SLC5A9: variants seen among roughly 807,000 people sequenced by gnomAD.
SLC5A9 encodes the protein solute carrier family 5 member 9.
SLC5A9 carries 59 observed loss-of-function variants against 70.9 expected under a neutral mutation model. The observed-to-expected ratio is 0.83, with a 90% CI of 0.68 to 1.03. The LOEUF is 1.03. Among genes scored for constraint, SLC5A9 ranks in the 50% least tolerant of loss-of-function variants. The probability of loss-of-function intolerance (pLI) is 0.00; values close to 1 mark genes in which losing one functional copy is unlikely to be tolerated. For missense variants in SLC5A9, 832 were observed against 881.1 expected, an observed-to-expected ratio of 0.94 and a Z score of 0.71; for synonymous variants, 340 against 346.5, an observed-to-expected ratio of 0.98 and a Z score of 0.21.
At chr1:48,234,615 C>T (rs1262941867) in intron 9 of SLC5A9, among the ~76,000 whole-genome samples, 2 of 152,124 alleles carry the variant, frequency 1.3e-5, no homozygotes, top group Admixed American at 1.3e-4. Context: ...ATCCAAGAAG[C>T]CTCCCAGATC....
chr1:48,230,643 G>A lies in SLC5A9; in HGVS notation c.548G>A (p.Gly183Asp). The change falls in exon 5 of 14, where the codon GGC becomes GAC. Residue 183 changes from glycine (G) to aspartate (D), a missense_variant. Coordinates refer to ENST00000438567, the MANE Select transcript of SLC5A9 (RefSeq NM_001011547.3). ...GCCCTCTTCATCCAGATGGCATTGG[G>A]CTGGAACCTGTACCTCTCCACAGGG... ...SGALFIQMAL[G>D]WNLYLSTGIL... 1 of 1,614,104 alleles carries A rather than the reference G, an allele frequency of 6.2e-7. No homozygotes were observed.
At position 48,232,069 on chromosome 1, in the gene SLC5A9, A is replaced by G; in HGVS notation, c.815A>G (p.Asp272Gly). ...CCCGATGCTTTCCACATTCTTCGGG[A>G]CCCTGTGAGCGGGGACATCCCTTGG... Reference protein sequence around the residue: ...PRPDAFHILRDPVSGDIPWPG... With the variant: ...PRPDAFHILRGPVSGDIPWPG... Residue 272 changes from aspartate (D) to glycine (G), a missense_variant, in exon 7 of 14, where the codon GAC becomes GGC. Transcript: ENST00000438567. 3 of 1,614,034 alleles carry G rather than the reference A, an allele frequency of 1.9e-6. No homozygotes were observed. The South Asian group carries it at 3.3e-5, about 18-fold the overall frequency.
chr1:48,232,230 A>G (rs963912566), intron 7 of SLC5A9, 79 bp downstream of exon 7: 2 of 1,560,834 alleles, frequency 1.3e-6, no homozygotes, highest in African/African-American at 2.7e-5. Context: ...GCCTGGATGC[A>G]TAGAGGGTTG....
chr1:48,240,814 C>T (rs1470383762), intron 12 of SLC5A9, among the ~76,000 whole-genome samples: 1 of 152,216 alleles, frequency 6.6e-6, no homozygotes, highest in African/African-American at 2.4e-5. Context: ...CCTCCACTTC[C>T]CACCTCTTGT....
Position 48,235,742 on chromosome 1 carries a change from G to A in SLC5A9, c.1155G>A (p.Leu385=). Residue 385 remains leucine (L), a synonymous_variant, in exon 10 of 14, where the codon CTG becomes CTA. Transcript: ENST00000438567. ...MALMPVGLRG[L]MIAVIMAALM... ...GTCTCTCCCCAGGTCTGCGGGGGCTGATGATTGCCGTGATCATGGCCGCTC... is the reference window on the plus strand; with the variant it reads ...GTCTCTCCCCAGGTCTGCGGGGGCTAATGATTGCCGTGATCATGGCCGCTC... 6.2e-7 allele frequency: 1 copy of A among 1,614,194 alleles called. No homozygotes were observed. The highest frequency in any genetic ancestry group is 1.6e-4 in the Middle Eastern group (1 of 6,062).
chr1:48,242,078 C>A (rs1644397464), intron 12 of SLC5A9: 3 of 462,846 alleles, frequency 6.5e-6, no homozygotes, highest in Non-Finnish European at 1.3e-5. Context: ...CTCTCCATTG[C>A]CTACAGGGTT....
chr1:48,230,737 T>C, intron 5 of SLC5A9, 32 bp downstream of exon 5: 1 of 1,530,366 alleles, frequency 6.5e-7, no homozygotes, highest in Non-Finnish European at 9.0e-7. Flanking sequence ...AGAGGAAAGC[T>C]TCTGACTGGC....
chr1:48,242,364 T>C, intron 12 of SLC5A9, 93 bp from the exon 13 acceptor site: 7 of 1,441,122 alleles, frequency 4.9e-6, no homozygotes, highest in Non-Finnish European at 6.5e-6. Flanking sequence ...CTCTTTGCTT[T>C]TGCTCAGATG....
chr1:48,223,838 C>T (rs534233525), intron 1 of SLC5A9, among the ~76,000 whole-genome samples: 1 of 152,266 alleles, frequency 6.6e-6, no homozygotes, highest in South Asian at 2.1e-4. Flanking sequence ...GAGAAAAGCA[C>T]CAACTCCTCT....
At chr1:48,236,018 G>C (rs1031248670) in intron 10 of SLC5A9, 139 bp downstream of exon 10, 10 of 943,250 alleles carry the variant, frequency 1.1e-5, no homozygotes, top group Admixed American at 7.2e-5. Context: ...CTCTCCACAT[G>C]ATTTCAAGTA....
Position 48,232,159 on chromosome 1 carries a change from C to T in SLC5A9, c.897+8C>T, listed in dbSNP as rs763468016. ...TGTTGGTGCACAGACCAGGTAATCC[C>T]CCAGCCAGGCTTAGCCCAGCCTGCC... On this transcript the variant is annotated splice_region_variant and intron_variant, in intron 7 of 13. Coordinates refer to ENST00000438567, the MANE Select transcript of SLC5A9 (RefSeq NM_001011547.3). 1.9e-6 allele frequency: 3 copies of T among 1,604,634 alleles called. No individual in the cohort carries two copies. Among genetic ancestry groups the T allele is most frequent in the Non-Finnish European group, 1.7e-6 (2 of 1,173,332 alleles).
intron 2 of SLC5A9, among the ~76,000 whole-genome samples, chr1:48,227,196 C>CTG (rs34445433): frequency 0.7 from 99,458 of 141,388 alleles, 37,010 homozygotes; most frequent in East Asian, 0.86. Flanking sequence ...TGTACTGTGC[C>CTG]TGTGTGTGAG....
Position 48,224,740 on chromosome 1 carries a change from G to C in SLC5A9, c.179G>C (p.Ser60Thr). 2 of 1,614,150 alleles carry C rather than the reference G, an allele frequency of 1.2e-6. No homozygotes were observed. Among genetic ancestry groups the C allele is most frequent in the Middle Eastern group, 1.6e-4 (1 of 6,062 alleles). ...CCTTTCCAGTCGTCCATCCGTGCAA[G>C]TCGAGGGACCATTGGCGGCTATTTC... ...AVGIWSSIRA[S>T]RGTIGGYFLA... Residue 60 changes from serine to threonine, a missense_variant, in exon 2 of 14, where the codon AGT becomes ACT. By Grantham distance (58) the Ser-to-Thr change is moderately conservative (BLOSUM62 1). Transcript: ENST00000438567.
chr1:48,231,770 A>G, intron 6 of SLC5A9, 145 bp downstream of exon 6: 1 of 1,506,722 alleles, frequency 6.6e-7, no homozygotes, highest in Non-Finnish European at 8.9e-7. Flanking sequence ...GCTCCCAAAG[A>G]GCAGGGTTCT....
chr1:48,231,507 C>T (rs368190593), intron 5 of SLC5A9, 38 bp from the exon 6 acceptor site: 3 of 1,611,066 alleles, frequency 1.9e-6, no homozygotes, highest in African/African-American at 2.7e-5. Flanking sequence ...GGACCCCAAA[C>T]TGGTGCTGAC....
intron 9 of SLC5A9, among the ~76,000 whole-genome samples, 155 bp downstream of exon 9, chr1:48,233,917 G>C (rs1644292950): frequency 6.6e-6 from 1 of 152,208 alleles, no homozygotes; most frequent in African/African-American, 2.4e-5. Flanking sequence ...ACGTTTTACA[G>C]GCATTTGTAC....
chr1:48,242,423 A>G, intron 12 of SLC5A9, 34 bp from the exon 13 acceptor site: 5 of 1,555,002 alleles, frequency 3.2e-6, no homozygotes, highest in Non-Finnish European at 4.4e-6. Flanking sequence ...CTTCTCTCCA[A>G]GGCAACTGAC....
In SLC5A9 at chr1:48,231,595, G is replaced by T. The variant is rs1644248391; in HGVS notation, c.661G>T (p.Val221Leu). Reference sequence around the variant, plus strand: ...AGATGCTCTGCAGACGGTGATCATGGTAGGGGGAGCCCTGGTCCTCATGTT... The same window carrying T: ...AGATGCTCTGCAGACGGTGATCATGTTAGGGGGAGCCCTGGTCCTCATGTT... ...YTDALQTVIM[V>L]GGALVLMFLG... The change falls in exon 6 of 14, where the codon GTA becomes TTA. Residue 221 changes from valine (V) to leucine (L), a missense_variant. Coordinates refer to ENST00000438567, the MANE Select transcript of SLC5A9 (RefSeq NM_001011547.3). 2 of 1,614,072 alleles carry T rather than the reference G, an allele frequency of 1.2e-6. No individual in the cohort carries two copies. Among genetic ancestry groups the T allele is most frequent in the South Asian group, 1.1e-5 (1 of 91,092 alleles).
At chr1:48,228,655 T>G in intron 2 of SLC5A9, 195 bp from the exon 3 acceptor site, 1 of 866,602 alleles carries the variant, frequency 1.2e-6, no homozygotes, top group Non-Finnish European at 1.7e-6. Flanking sequence ...CTTACATTAG[T>G]TCCTTCCTCT....
Sources: gnomAD v4.1 joint callset for allele counts (sites outside exome capture counted in the v4.1 genomes callset) on GRCh38, gnomAD v4.1.1 for gene constraint, MANE v1.5 for transcripts, NCBI Gene and HGNC (gene_info 2026-07-23, HGNC 2026-07-21) for gene names.